The following FUNDC1 variants were observed in gnomAD, a reference collection of about 807,000 sequenced individuals.
The protein encoded by FUNDC1 is FUN14 domain-containing protein 1.
A neutral mutation model predicts 14.5 loss-of-function variants in FUNDC1; 10 were observed. The ratio of observed to expected loss-of-function variants is 0.69; its 90% CI spans 0.43 to 1.17. The LOEUF (loss-of-function observed/expected upper bound fraction) is 1.17, where lower values mean the gene tolerates loss of function less well. Ranked by LOEUF, FUNDC1 falls within the 50% of genes most tolerant of loss-of-function variation. The pLI is 0.00. For missense variants in FUNDC1, 115 were observed against 113.8 expected (o/e 1.01, Z -0.05); for synonymous variants, 33 against 39.7 (o/e 0.83, Z 0.64).
At chrX:44,538,973 AC>A (rs775149369) in intron 2 of FUNDC1, among the ~76,000 whole-genome samples, 1 of 110,811 alleles carries the variant, frequency 9.0e-6, no homozygotes, top group African/African-American at 3.3e-5. Context: ...ATAGGTCATC[AC>A]CTTTGCTCAA....
chrX:44,524,344 G>T, intron 4 of FUNDC1, 69 bp from the exon 5 acceptor site: 1 of 728,742 alleles, frequency 1.4e-6, no homozygotes, highest in Non-Finnish European at 2.1e-6. Context: ...AAAACATTAT[G>T]CAAAGTGAAA....
chrX:44,542,322 CG>C, intron 1 of FUNDC1: 1 of 398,835 alleles, frequency 2.5e-6, no homozygotes, highest in Non-Finnish European at 4.3e-6. Context: ...CCCAAAGGCC[CG>C]GGGACCAGCC....
chrX:44,534,882 T>G (rs1379428075), intron 3 of FUNDC1, among the ~76,000 whole-genome samples: 1 of 111,630 alleles, frequency 9.0e-6, no homozygotes, highest in Non-Finnish European at 1.9e-5. Context: ...TGCAGTGGCT[T>G]ACACCTGTAA....
intron 3 of FUNDC1, among the ~76,000 whole-genome samples, chrX:44,529,132 T>TA (rs1250312922): frequency 3.6e-5 from 4 of 111,044 alleles, no homozygotes; most frequent in African/African-American, 1.3e-4. Flanking sequence ...GAAGTGAAAT[T>TA]AAAAAAACAA....
At chrX:44,531,779 CA>C (rs2038926793) in intron 3 of FUNDC1, among the ~76,000 whole-genome samples, 1 of 108,022 alleles carries the variant, frequency 9.3e-6, no homozygotes, top group Non-Finnish European at 1.9e-5. Context: ...CACACACACA[CA>C]CACACACACA....
At chrX:44,531,793 C>T (rs2038926920) in intron 3 of FUNDC1, among the ~76,000 whole-genome samples, 1 of 109,468 alleles carries the variant, frequency 9.1e-6, no homozygotes. Context: ...CACACACACA[C>T]ACACACACAC....
intron 3 of FUNDC1, among the ~76,000 whole-genome samples, chrX:44,528,879 T>G (rs2038911912): frequency 1.8e-5 from 2 of 110,467 alleles, no homozygotes; most frequent in Non-Finnish European, 3.8e-5. Flanking sequence ...TGTTTTTTAG[T>G]AGAGAAGGGG....
chrX:44,539,427 C>A (rs2038961936), intron 2 of FUNDC1, among the ~76,000 whole-genome samples: 1 of 111,398 alleles, frequency 9.0e-6, no homozygotes, highest in African/African-American at 3.3e-5. Flanking sequence ...GGCCTTTAAT[C>A]CGATAAGGAC....
chrX:44,528,949 C>T lies in FUNDC1; in HGVS notation c.262-1584G>A, dbSNP rs755833192. On this transcript the variant is annotated intron_variant, in intron 3 of 4. Coordinates refer to ENST00000378045, the MANE Select transcript of FUNDC1 (RefSeq NM_173794.4). ...TGACCTCGTGATCCACCCGCCTCGG[C>T]CTCCCAAAGTGCTGGGATTACAGGC... Among the ~76,000 whole-genome samples the T allele has an allele frequency of 7.1e-5, 8 of 111,896 alleles. No homozygotes were observed. In the East Asian group the frequency reaches 2.3e-3, roughly 32 times the overall value.
chrX:44,536,973 TA>T (rs1443598996), intron 3 of FUNDC1, among the ~76,000 whole-genome samples: 1 of 112,285 alleles, frequency 8.9e-6, no homozygotes, highest in Non-Finnish European at 1.9e-5. Flanking sequence ...AGAAAGGTCA[TA>T]AAAATATGAA....
chrX:44,539,987 A>G (rs2038964237), intron 2 of FUNDC1, among the ~76,000 whole-genome samples: 1 of 110,702 alleles, frequency 9.0e-6, no homozygotes, highest in Admixed American at 9.7e-5. Flanking sequence ...TATATATTTT[A>G]TCTCCAAAAC....
chrX:44,540,582 C>T (rs974408771), intron 2 of FUNDC1, among the ~76,000 whole-genome samples: 129 of 111,974 alleles, frequency 1.2e-3, no homozygotes, highest in Non-Finnish European at 2.4e-4. Context: ...CTAAAATGAA[C>T]CTATCTCCTG....
At chrX:44,542,548 TG>T (rs2038976614) in intron 1 of FUNDC1, among the ~76,000 whole-genome samples, 1 of 107,240 alleles carries the variant, frequency 9.3e-6, no homozygotes, top group Non-Finnish European at 1.9e-5. Context: ...CATTTGAAGA[TG>T]GGAGATGAAG....
chrX:44,536,500 A>C (rs781731319), intron 3 of FUNDC1, among the ~76,000 whole-genome samples: 11 of 110,716 alleles, frequency 9.9e-5, no homozygotes, highest in African/African-American at 3.6e-4. Context: ...AAGTAACTAC[A>C]CTCAGACGAT....
rs755214040 is a variant in FUNDC1 at position 44,542,073 on chromosome X, TTCA to T, written c.54_56del (p.Tyr18_Glu19delinsTer). ...TTGCATACTCAGTTAAATCCAACAC[TTCA>T]TAAGAGTCGTCATCACTTTCATAGT... On this transcript the variant is annotated stop_gained and inframe_deletion, in exon 2 of 5. Coordinates refer to ENST00000378045, the MANE Select transcript of FUNDC1 (RefSeq NM_173794.4). LOFTEE classifies it high-confidence loss of function. 2 of 1,201,583 alleles carry T rather than the reference TTCA, an allele frequency of 1.7e-6. No individual in the cohort carries two copies. The highest frequency in any genetic ancestry group is 4.4e-5 in the Admixed American group (2 of 45,048).
At chrX:44,533,644 A>C (rs1343100525) in intron 3 of FUNDC1, among the ~76,000 whole-genome samples, 1 of 105,446 alleles carries the variant, frequency 9.5e-6, no homozygotes, top group African/African-American at 3.6e-5. Context: ...AAAAAAAAAA[A>C]AAAAACAACA....
intron 4 of FUNDC1, among the ~76,000 whole-genome samples, chrX:44,525,205 T>C (rs1385911597): frequency 1.8e-5 from 2 of 110,292 alleles, no homozygotes; most frequent in Non-Finnish European, 3.8e-5. Context: ...AAACAATATA[T>C]AATTTTTTTT....
chrX:44,533,372 G>A (rs1189609373), intron 3 of FUNDC1, among the ~76,000 whole-genome samples: 1 of 110,777 alleles, frequency 9.0e-6, no homozygotes, highest in African/African-American at 3.3e-5. Flanking sequence ...GCTCACGCCT[G>A]CAATCCCAGC....
At chrX:44,531,329 C>A (rs1261722520) in intron 3 of FUNDC1, among the ~76,000 whole-genome samples, 9 of 66,942 alleles carry the variant, frequency 1.3e-4, no homozygotes, top group African/African-American at 8.0e-4. Flanking sequence ...CACACACACA[C>A]ACACACACAC....
Sources: allele counts gnomAD v4.1 joint callset (sites outside exome capture counted in the v4.1 genomes callset), GRCh38; gene constraint gnomAD v4.1.1; transcripts MANE v1.5; gene names NCBI Gene and HGNC (gene_info 2026-07-23, HGNC 2026-07-21).